GNAQ: variants seen among roughly 807,000 people sequenced by gnomAD.
GNAQ encodes the protein G protein subunit alpha q, also known as guanine nucleotide-binding protein G(q) subunit alpha.
GNAQ carries 8 observed loss-of-function variants against 43.9 expected under a neutral mutation model. The ratio of observed to expected loss-of-function variants is 0.18; its 90% CI spans 0.11 to 0.33. The LOEUF is 0.33. GNAQ is among the 10% of genes least tolerant of loss of function. GNAQ has a pLI of 1.00. For missense variants in GNAQ, 158 were observed against 450.8 expected (o/e 0.35, Z 5.88); for synonymous variants, 155 against 170.7 (o/e 0.91, Z 0.71).
chr9:77,925,537 T>C (rs1221342070), intron 1 of GNAQ, among the ~76,000 whole-genome samples: 2 of 152,202 alleles, frequency 1.3e-5, no homozygotes, highest in Non-Finnish European at 1.5e-5. Context: ...GTTATTTCAA[T>C]TAAAGGGACC....
At chr9:77,926,975 CTCCT>C (rs767420151) in intron 1 of GNAQ, among the ~76,000 whole-genome samples, 3 of 152,208 alleles carry the variant, frequency 2.0e-5, no homozygotes, top group Admixed American at 6.5e-5. Context: ...TCATTCACAT[CTCCT>C]TCCATCAGAA....
rs554886930 is a variant in GNAQ, at chr9:77,907,182, T to C, written c.321+14979A>G. On this transcript the variant is annotated intron_variant, in intron 2 of 6. Coordinates refer to ENST00000286548, the MANE Select transcript of GNAQ (RefSeq NM_002072.5). Reference sequence around the variant, plus strand: ...TTTTTCTGCTGCATAAGCTTTCCAATCACTTTCTTGATTTGTGACCAAGTT... The same window carrying C: ...TTTTTCTGCTGCATAAGCTTTCCAACCACTTTCTTGATTTGTGACCAAGTT... Among the ~76,000 whole-genome samples the C allele has an allele frequency of 5.9e-5, 9 of 152,324 alleles. 1 individual carries two copies. In the South Asian group the frequency reaches 1.9e-3, roughly 32 times the overall value.
At chr9:77,987,080 G>C (rs891270798) in intron 1 of GNAQ, among the ~76,000 whole-genome samples, 17 of 152,214 alleles carry the variant, frequency 1.1e-4, no homozygotes, top group African/African-American at 4.1e-4. Flanking sequence ...CTTCAGTCTG[G>C]TCTGGCATTT....
At chr9:78,029,831 T>C (rs766390698) in intron 1 of GNAQ, among the ~76,000 whole-genome samples, 1 of 152,122 alleles carries the variant, frequency 6.6e-6, no homozygotes, top group South Asian at 2.1e-4. Flanking sequence ...TACAGAAATG[T>C]TTGAGAAACA....
intron 2 of GNAQ, among the ~76,000 whole-genome samples, chr9:77,910,984 C>T (rs919399527): frequency 2.6e-5 from 4 of 152,182 alleles, no homozygotes; most frequent in Admixed American, 2.0e-4. Context: ...AGTGTTCACT[C>T]GTTAATTCAT....
chr9:77,853,778 A>AAG (rs994357980), intron 2 of GNAQ, among the ~76,000 whole-genome samples: 1 of 147,174 alleles, frequency 6.8e-6, no homozygotes, highest in Non-Finnish European at 1.5e-5. Flanking sequence ...TACTACCAAA[A>AAG]AAAAAAAAAA....
At chr9:77,924,436 C>T (rs1335204751) in intron 1 of GNAQ, among the ~76,000 whole-genome samples, 1 of 152,132 alleles carries the variant, frequency 6.6e-6, no homozygotes, top group Non-Finnish European at 1.5e-5. Context: ...CAAGTGTAAA[C>T]AATCATTAAT....
intron 2 of GNAQ, among the ~76,000 whole-genome samples, chr9:77,820,087 C>CAAAAAA (rs3083136): frequency 9.5e-6 from 1 of 104,984 alleles, no homozygotes; most frequent in Non-Finnish European, 1.8e-5. Flanking sequence ...ATTTAAAATG[C>CAAAAAA]AAAAAAAAAA....
chr9:77,736,984 G>A (rs984776230), intron 5 of GNAQ, among the ~76,000 whole-genome samples: 1 of 152,114 alleles, frequency 6.6e-6, no homozygotes, highest in African/African-American at 2.4e-5. Flanking sequence ...TTTACTTTAT[G>A]CTTAGATGTC....
At chr9:77,858,378 AG>A (rs1449829797) in intron 2 of GNAQ, among the ~76,000 whole-genome samples, 1 of 152,160 alleles carries the variant, frequency 6.6e-6, no homozygotes, top group Admixed American at 6.5e-5. Context: ...CAAAGAAGGG[AG>A]GGTTTTCTGT....
intron 2 of GNAQ, among the ~76,000 whole-genome samples, chr9:77,825,709 G>A (rs896979534): frequency 1.3e-5 from 2 of 152,160 alleles, no homozygotes; most frequent in Admixed American, 6.5e-5. Context: ...GTGAATGTCT[G>A]TTAAAAACAT....
chr9:77,777,435 A>T (rs771290703), intron 5 of GNAQ, among the ~76,000 whole-genome samples: 76 of 152,108 alleles, frequency 5.0e-4, no homozygotes, highest in Non-Finnish European at 2.9e-4. Flanking sequence ...ACCCTGGATT[A>T]GGCAAGTTTC....
At chr9:77,810,753 T>C (rs1826905695) in intron 3 of GNAQ, among the ~76,000 whole-genome samples, 1 of 152,136 alleles carries the variant, frequency 6.6e-6, no homozygotes, top group East Asian at 1.9e-4. Flanking sequence ...CAATCACTTG[T>C]GAAAGTCAAA....
At chr9:77,905,860 C>T (rs1428437497) in intron 2 of GNAQ, among the ~76,000 whole-genome samples, 1 of 152,088 alleles carries the variant, frequency 6.6e-6, no homozygotes, top group African/African-American at 2.4e-5. Flanking sequence ...TGTTCTCTCT[C>T]ATAAGTAGGA....
intron 4 of GNAQ, among the ~76,000 whole-genome samples, chr9:77,796,705 A>G (rs561520714): frequency 6.6e-6 from 1 of 152,210 alleles, no homozygotes; most frequent in African/African-American, 2.4e-5. Context: ...TTTTCAAGCA[A>G]CATATTTTAT....
rs1047483625 is a variant in GNAQ at position 77,720,295 on chromosome 9, C to T, written c.*1028G>A. 8.6e-6 allele frequency: 2 copies of T among 233,202 alleles called. No individual in the cohort carries two copies. Among genetic ancestry groups the T allele is most frequent in the African/African-American group, 4.4e-5 (2 of 45,298 alleles). 14.4% of individuals were successfully genotyped at this position (233,202 alleles called of 1,614,324 possible). On this transcript the variant is annotated 3_prime_UTR_variant, in exon 7 of 7. Transcript: ENST00000286548. ...AGCTTTTATTTTTTAAGTTCGTATT[C>T]ATTTTATTTGACAAAAAGCCAGCTT...
chr9:77,741,952 T>G (rs1012817147), intron 5 of GNAQ, among the ~76,000 whole-genome samples: 3 of 152,208 alleles, frequency 2.0e-5, no homozygotes, highest in Admixed American at 6.5e-5. Flanking sequence ...TGAGATTTTT[T>G]GGGCAAACTC....
In GNAQ at chr9:77,721,237, A is replaced by G. The variant is rs1208747642; in HGVS notation, c.*86T>C. ...GACGGCAATAAATTAGTATTATGCA[A>G]ATTGTTTTCCACAGAAATACAGTCC... On this transcript the variant is annotated 3_prime_UTR_variant, in exon 7 of 7. Transcript: ENST00000286548. 4.8e-6 allele frequency: 4 copies of G among 827,168 alleles called. No homozygotes were observed. Among genetic ancestry groups the G allele is most frequent in the Non-Finnish European group, 7.8e-6 (4 of 513,138 alleles). The allele number at this position is 827,168 out of a possible 1,614,324, so 51.2% of individuals were successfully genotyped here. A position where few individuals can be genotyped will look rare whatever the true frequency, so the allele number is the denominator to read the frequency against.
intron 1 of GNAQ, among the ~76,000 whole-genome samples, chr9:77,959,074 A>G (rs1469140347): frequency 6.6e-6 from 1 of 152,216 alleles, no homozygotes; most frequent in African/African-American, 2.4e-5. Context: ...GGTGTGGTAT[A>G]TAAACATCTC....
Sources: allele counts gnomAD v4.1 joint callset (sites outside exome capture counted in the v4.1 genomes callset), GRCh38; gene constraint gnomAD v4.1.1; transcripts MANE v1.5; gene names NCBI Gene and HGNC (gene_info 2026-07-23, HGNC 2026-07-21).